Variants in KLHL13 observed in about 807,000 individuals in gnomAD.
KLHL13 encodes kelch like family member 13.
KLHL13 carries 10 observed loss-of-function variants against 37.1 expected under a neutral mutation model. The ratio of observed to expected loss-of-function variants is 0.27; its 90% CI spans 0.17 to 0.46. KLHL13 has a LOEUF of 0.46. KLHL13 is among the 20% of genes least tolerant of loss of function. The pLI is 1.00. For missense variants in KLHL13, 360 were observed against 509.3 expected (o/e 0.71, Z 2.82); for synonymous variants, 163 against 181.2 (o/e 0.90, Z 0.81).
intron 1 of KLHL13, among the ~76,000 whole-genome samples, chrX:118,106,680 A>T (rs2055351120): frequency 9.0e-6 from 1 of 111,672 alleles, no homozygotes; most frequent in Non-Finnish European, 1.9e-5. Context: ...GTGGCATTTC[A>T]TCACCAAGGA....
chrX:117,981,093 G>A (rs1458475772), intron 1 of KLHL13, among the ~76,000 whole-genome samples: 1 of 112,082 alleles, frequency 8.9e-6, no homozygotes, highest in East Asian at 2.8e-4. Context: ...AAGATGCCAA[G>A]TGTATGGTCA....
intron 1 of KLHL13, among the ~76,000 whole-genome samples, chrX:118,065,750 A>G (rs1244943000): frequency 8.9e-6 from 1 of 111,938 alleles, no homozygotes; most frequent in African/African-American, 3.2e-5. Flanking sequence ...AGGCTAGAGC[A>G]AGCTCCAGTG....
chrX:117,908,183 T>G lies in KLHL13; in HGVS notation c.1366+1118A>C, dbSNP rs34649846. ...TACAGGCATGAGCCACATCTGGCTT[T>G]CTTTCTTTCTTTCTTCCTTTCTGTC... On this transcript the variant is annotated intron_variant, in intron 5 of 6. Transcript: ENST00000262820. Among the ~76,000 whole-genome samples, 753 of 108,530 alleles carry G rather than the reference T, an allele frequency of 6.9e-3. 11 individuals carry two copies. The highest frequency in any genetic ancestry group is 0.024 in the African/African-American group (709 of 30,009). 94.2% of individuals were successfully genotyped at this position (108,530 alleles called of 115,157 possible). A position where few individuals can be genotyped will look rare whatever the true frequency, so the allele number is the denominator to read the frequency against.
At chrX:118,108,970 C>A (rs1343758068) in intron 1 of KLHL13, among the ~76,000 whole-genome samples, 2 of 111,386 alleles carry the variant, frequency 1.8e-5, no homozygotes, top group African/African-American at 6.5e-5. Context: ...CCATGCCCAG[C>A]TAATTTTTAA....
intron 5 of KLHL13, among the ~76,000 whole-genome samples, chrX:117,905,651 T>TG (rs1425711427): frequency 9.2e-6 from 1 of 108,919 alleles, no homozygotes; most frequent in African/African-American, 3.3e-5. Flanking sequence ...ATGTTGCCAC[T>TG]GTTTTTTTTT....
chrX:117,978,980 G>A (rs2053627876), intron 1 of KLHL13, among the ~76,000 whole-genome samples: 1 of 110,631 alleles, frequency 9.0e-6, no homozygotes, highest in African/African-American at 3.3e-5. Flanking sequence ...GCCCAGGCTG[G>A]AGTGCAGTGC....
At position 117,920,223 on chromosome X, in the gene KLHL13, TA is replaced by T; in HGVS notation, c.373+14del. On this transcript the variant is annotated intron_variant, in intron 3 of 6. Coordinates refer to ENST00000262820, the Ensembl canonical transcript of KLHL13. The stretch of plus-strand genomic sequence containing the variant: ...TTGTTTTAATGTGGTTTCAGAGTTT[TA>T]AAAGGCAAACTACCTGTGAACATAG... 1.7e-6 allele frequency: 2 copies of T among 1,204,909 alleles called. No homozygotes were observed. Among genetic ancestry groups the T allele is most frequent in the Non-Finnish European group, 2.2e-6 (2 of 891,029 alleles).
At chrX:118,060,224 T>C (rs901279921) in intron 1 of KLHL13, among the ~76,000 whole-genome samples, 2 of 111,981 alleles carry the variant, frequency 1.8e-5, no homozygotes, top group African/African-American at 6.5e-5. Flanking sequence ...AAGGAAGTTA[T>C]GTAAGCAAAA....
exon 7 of KLHL13, chrX:117,898,492 G>A (rs1463642043): frequency 8.6e-6 from 1 of 115,840 alleles, no homozygotes; most frequent in East Asian, 2.7e-4. Flanking sequence ...ACATCTTACA[G>A]TCAAAGATGA....
rs576877209 is a variant in KLHL13, at chrX:118,000,658, G to A, written c.-55-55083C>T. Reference sequence around the variant, plus strand: ...CCACAATTTCAAAATTCAAACACTTGGAAATCAATTTTTTCTTGCCTGTAA... The same window carrying A: ...CCACAATTTCAAAATTCAAACACTTAGAAATCAATTTTTTCTTGCCTGTAA... On this transcript the variant is annotated intron_variant, in intron 1 of 6. Transcript: ENST00000371882. Among the ~76,000 whole-genome samples the A allele has an allele frequency of 5.0e-4, 56 of 111,892 alleles. 1 individual carries two copies. Among genetic ancestry groups the A allele is most frequent in the African/African-American group, 1.8e-3 (55 of 30,835 alleles).
chrX:118,061,111 A>T (rs995581897), intron 1 of KLHL13, among the ~76,000 whole-genome samples: 1 of 111,429 alleles, frequency 9.0e-6, no homozygotes, highest in Non-Finnish European at 1.9e-5. Context: ...CTGAAAAAAG[A>T]CTCCTCTTCC....
intron 1 of KLHL13, among the ~76,000 whole-genome samples, chrX:118,000,805 C>T (rs774614458): frequency 3.6e-5 from 4 of 111,480 alleles, no homozygotes. Flanking sequence ...TTATATTTCA[C>T]TGCAGTAACA....
At chrX:118,036,378 G>A (rs1327034346) in intron 1 of KLHL13, among the ~76,000 whole-genome samples, 2 of 111,504 alleles carry the variant, frequency 1.8e-5, no homozygotes, top group South Asian at 3.7e-4. Flanking sequence ...ACAGCATGGT[G>A]CTGGTACCAA....
Position 118,057,749 on chromosome X carries a change from C to G in KLHL13, c.-56+58759G>C, listed in dbSNP as rs574522017. ...GCTGAGGCAGGAGAATGGTGTGAAC[C>G]TGGGAGGCAGAGCTTGCAGTGAGCC... On this transcript the variant is annotated intron_variant, in intron 1 of 6. Transcript: ENST00000371882. Among the ~76,000 whole-genome samples, 10 of 110,312 alleles carry G rather than the reference C, an allele frequency of 9.1e-5. No individual in the cohort carries two copies. The South Asian group carries it at 3.2e-3, about 35-fold the overall frequency.
chrX:118,010,520 C>G (rs1265362463), intron 1 of KLHL13, among the ~76,000 whole-genome samples: 1 of 76,689 alleles, frequency 1.3e-5, no homozygotes, highest in Non-Finnish European at 2.5e-5. Flanking sequence ...TATTCTCACT[C>G]ATAGGTGGGA....
At chrX:117,967,688 G>C (rs764574889) in intron 1 of KLHL13, among the ~76,000 whole-genome samples, 1 of 112,151 alleles carries the variant, frequency 8.9e-6, no homozygotes, top group African/African-American at 3.2e-5. Context: ...TCTTTGTCTT[G>C]CAAGTGTCTT....
At chrX:117,952,757 C>G (rs1405555236) in intron 1 of KLHL13, among the ~76,000 whole-genome samples, 3 of 109,200 alleles carry the variant, frequency 2.7e-5, no homozygotes, top group African/African-American at 1.0e-4. Flanking sequence ...CATGAACAGA[C>G]ACTTCTCAAA....
At chrX:118,095,056 T>C (rs2055186392) in intron 1 of KLHL13, among the ~76,000 whole-genome samples, 1 of 111,359 alleles carries the variant, frequency 9.0e-6, no homozygotes, top group Non-Finnish European at 1.9e-5. Context: ...ACCTTAAAGG[T>C]AAATGGGCTA....
At chrX:118,039,449 G>A (rs1386917159) in intron 1 of KLHL13, among the ~76,000 whole-genome samples, 1 of 111,913 alleles carries the variant, frequency 8.9e-6, no homozygotes, top group Non-Finnish European at 1.9e-5. Context: ...TAGCTAGATA[G>A]TACTCATTAC....
Sources: gnomAD v4.1 joint callset for allele counts (sites outside exome capture counted in the v4.1 genomes callset) on GRCh38, gnomAD v4.1.1 for gene constraint, MANE v1.5 for transcripts, NCBI Gene and HGNC (gene_info 2026-07-23, HGNC 2026-07-21) for gene names.